Variants in GRM5 observed in about 807,000 individuals in gnomAD.
GRM5 encodes metabotropic glutamate receptor 5.
A neutral mutation model predicts 83.1 loss-of-function variants in GRM5; 19 were observed. That is an observed-to-expected ratio of 0.23 (90% CI 0.16 to 0.34). The LOEUF is 0.34. GRM5 is among the 10% of genes least tolerant of loss of function. GRM5 has a pLI of 1.00. For synonymous variants in GRM5, 675 were observed against 633.6 expected (o/e 1.07, Z -0.98); for missense variants, 1,160 against 1,588.3 (o/e 0.73, Z 4.58).
At chr11:88,994,463 A>ATATATATATATATAT (rs1940106874) in intron 2 of GRM5, among the ~76,000 whole-genome samples, 3 of 100,272 alleles carry the variant, frequency 3.0e-5, no homozygotes, top group Non-Finnish European at 4.3e-5. Flanking sequence ...ATATATATAT[A>ATATATATATATATAT]TATATATATA....
intron 4 of GRM5, among the ~76,000 whole-genome samples, chr11:88,644,417 C>T (rs1472510310): frequency 1.3e-5 from 2 of 152,132 alleles, no homozygotes; most frequent in Non-Finnish European, 2.9e-5. Context: ...ATTTGGAAAA[C>T]AGAGATGATA....
intron 3 of GRM5, among the ~76,000 whole-genome samples, chr11:88,794,906 T>G (rs950754672): frequency 6.6e-6 from 1 of 152,214 alleles, no homozygotes; most frequent in African/African-American, 2.4e-5. Flanking sequence ...ATAGCTAAGA[T>G]AGCTATGGCT....
chr11:88,522,779 A>G (rs1591321052), intron 9 of GRM5: 1 of 152,224 alleles, frequency 6.6e-6, no homozygotes, highest in East Asian at 1.9e-4. Context: ...AGTAGTATGC[A>G]TTATTCCCCT....
chr11:88,717,891 G>A (rs115927899), intron 3 of GRM5, among the ~76,000 whole-genome samples: 2,039 of 151,610 alleles, frequency 0.013, 44 homozygotes, highest in African/African-American at 0.045. Flanking sequence ...GGATAATTAC[G>A]TATTAATAAT....
At chr11:88,904,313 C>G (rs1945367868) in intron 2 of GRM5, among the ~76,000 whole-genome samples, 1 of 152,108 alleles carries the variant, frequency 6.6e-6, no homozygotes, top group African/African-American at 2.4e-5. Context: ...CTTCAGGAGC[C>G]CATACTTTAA....
chr11:88,841,616 G>A (rs1243035227), intron 3 of GRM5, among the ~76,000 whole-genome samples: 1 of 152,094 alleles, frequency 6.6e-6, no homozygotes, highest in Non-Finnish European at 1.5e-5. Flanking sequence ...TCGTTATGTT[G>A]GTCTTTCCTT....
chr11:88,982,077 T>C (rs1402998491), intron 2 of GRM5, among the ~76,000 whole-genome samples: 1 of 152,220 alleles, frequency 6.6e-6, no homozygotes, highest in Non-Finnish European at 1.5e-5. Flanking sequence ...AATCCTGCTG[T>C]TGGTATTGGG....
At chr11:88,671,189 T>TAG (rs1273796870) in intron 3 of GRM5, among the ~76,000 whole-genome samples, 1 of 151,732 alleles carries the variant, frequency 6.6e-6, no homozygotes, top group Non-Finnish European at 1.5e-5. Flanking sequence ...AGAGACATGC[T>TAG]AGACCCTAGA....
rs538573112 is a variant in GRM5, at chr11:89,030,352, A to G, written c.661+16860T>C. On this transcript the variant is annotated intron_variant, in intron 2 of 9. Coordinates refer to ENST00000305447, the MANE Select transcript of GRM5 (RefSeq NM_001143831.3). ...TCAGTGGTTACAGAGCTTTGTGGTA[A>G]TCTCAAAATATCAACACCATCCATC... is the stretch of plus-strand genomic sequence containing the variant. Among the ~76,000 whole-genome samples, 3 of 152,174 alleles carry G rather than the reference A, an allele frequency of 2.0e-5. No homozygotes were observed. In the East Asian group the frequency reaches 5.8e-4, roughly 29 times the overall value.
At chr11:88,986,353 A>G (rs943128176) in intron 2 of GRM5, among the ~76,000 whole-genome samples, 1 of 152,172 alleles carries the variant, frequency 6.6e-6, no homozygotes, top group African/African-American at 2.4e-5. Flanking sequence ...GAGAAAATGG[A>G]GGAAGTGGTG....
intron 2 of GRM5, among the ~76,000 whole-genome samples, chr11:89,011,450 G>A (rs964060006): frequency 3.3e-5 from 5 of 152,196 alleles, no homozygotes; most frequent in African/African-American, 1.2e-4. Context: ...GTTCAGTGGT[G>A]TCTAGTTGAA....
At chr11:88,809,161 A>G (rs1943547144) in intron 3 of GRM5, among the ~76,000 whole-genome samples, 1 of 152,058 alleles carries the variant, frequency 6.6e-6, no homozygotes, top group African/African-American at 2.4e-5. Flanking sequence ...TATCTCATAT[A>G]TTTCTTATAA....
In GRM5 at chr11:88,813,493, C is replaced by T. The variant is rs566947256; in HGVS notation, c.911+36413G>A. ...CTATAACTCATTTAAAAAAAGAATG[C>T]CAATGAAAATTCTGTCATATGCTTG... On this transcript the variant is annotated intron_variant, in intron 3 of 9. Coordinates refer to ENST00000305447, the MANE Select transcript of GRM5 (RefSeq NM_001143831.3). 4.6e-5 allele frequency among the ~76,000 whole-genome samples: 7 copies of T among 152,232 alleles called. No individual in the cohort carries two copies. The South Asian group carries it at 1.4e-3, about 32-fold the overall frequency.
At chr11:88,642,303 T>G (rs1042155756) in intron 4 of GRM5, among the ~76,000 whole-genome samples, 4 of 152,152 alleles carry the variant, frequency 2.6e-5, no homozygotes, top group African/African-American at 4.8e-5. Context: ...AGCAGGGTCC[T>G]GGACCAGGCC....
chr11:88,575,686 A>T (rs1943095351), intron 7 of GRM5, among the ~76,000 whole-genome samples: 1 of 152,172 alleles, frequency 6.6e-6, no homozygotes, highest in Admixed American at 6.5e-5. Flanking sequence ...ACACTGATTG[A>T]TCAGTTGTTT....
intron 2 of GRM5, among the ~76,000 whole-genome samples, chr11:88,865,752 T>G (rs1399640755): frequency 6.6e-6 from 1 of 151,324 alleles, no homozygotes; most frequent in Non-Finnish European, 1.5e-5. Flanking sequence ...GTGAAGGATA[T>G]GAACAGACAT....
intron 8 of GRM5, among the ~76,000 whole-genome samples, chr11:88,563,804 C>T (rs780779960): frequency 3.9e-5 from 6 of 152,188 alleles, no homozygotes; most frequent in Non-Finnish European, 7.4e-5. Context: ...GTGCGGTGAA[C>T]CATGTGTTAT....
intron 3 of GRM5, among the ~76,000 whole-genome samples, chr11:88,717,059 G>A (rs1215121918): frequency 6.6e-6 from 1 of 151,862 alleles, no homozygotes; most frequent in Non-Finnish European, 1.5e-5. Context: ...AAATTATCAT[G>A]TATGTCTATA....
chr11:88,579,043 A>T (rs1392353819), intron 7 of GRM5, among the ~76,000 whole-genome samples: 1 of 152,150 alleles, frequency 6.6e-6, no homozygotes, highest in Non-Finnish European at 1.5e-5. Context: ...ATGAGCATGG[A>T]TATTTTCAAT....
Sources: gnomAD v4.1 joint callset for allele counts (sites outside exome capture counted in the v4.1 genomes callset) on GRCh38, gnomAD v4.1.1 for gene constraint, MANE v1.5 for transcripts, NCBI Gene and HGNC (gene_info 2026-07-23, HGNC 2026-07-21) for gene names.